The following DNAH3 variants were observed in gnomAD, a reference collection of about 807,000 sequenced individuals.
The protein encoded by DNAH3 is axonemal beta dynein heavy chain 3.
A neutral mutation model predicts 432.5 loss-of-function variants in DNAH3; 332 were observed. That is an observed-to-expected ratio of 0.77 (90% CI 0.70 to 0.84). The LOEUF (loss-of-function observed/expected upper bound fraction) is 0.84. DNAH3 is among the 40% of genes least tolerant of loss of function. The pLI is 0.00. For synonymous variants in DNAH3, 1,956 were observed against 1,900.2 expected (o/e 1.03, Z -0.76); for missense variants, 4,861 against 5,114.0 (o/e 0.95, Z 1.51).
chr16:20,937,329 A>T (rs2083629479), intron 59 of DNAH3, among the ~76,000 whole-genome samples: 1 of 151,510 alleles, frequency 6.6e-6, no homozygotes, highest in Non-Finnish European at 1.5e-5. Flanking sequence ...CTTTGTAACG[A>T]CTGCAAAATG....
intron 59 of DNAH3, among the ~76,000 whole-genome samples, chr16:20,937,855 C>T (rs1198131162): frequency 1.3e-5 from 2 of 151,964 alleles, no homozygotes; most frequent in Non-Finnish European, 2.9e-5. Context: ...ATAAGGTGCA[C>T]GCCTGAGAAA....
At chr16:21,052,104 GC>G (rs2089979045) in intron 28 of DNAH3, among the ~76,000 whole-genome samples, 1 of 152,114 alleles carries the variant, frequency 6.6e-6, no homozygotes. Context: ...CGATTCTCCT[GC>G]CTCAGCCTCC....
exon 53 of DNAH3, chr16:20,965,386 A>G (rs762938357): frequency 6.5e-7 from 1 of 1,533,590 alleles, no homozygotes; most frequent in South Asian, 1.3e-5. Flanking sequence ...ATCCCCAAGA[A>G]TCTTTTTGGA....
intron 1 of DNAH3, among the ~76,000 whole-genome samples, chr16:21,154,038 A>G (rs368710898): frequency 1.3e-5 from 2 of 152,250 alleles, no homozygotes; most frequent in East Asian, 3.8e-4. Context: ...TGGGAAGATT[A>G]TCAGGTCTCC....
At chr16:21,015,541 C>T (rs558797827) in intron 41 of DNAH3, among the ~76,000 whole-genome samples, 6 of 152,208 alleles carry the variant, frequency 3.9e-5, no homozygotes, top group South Asian at 4.1e-4. Context: ...TGAACCTTAA[C>T]ATACACTATG....
chr16:21,146,000 G>T, exon 2 of DNAH3: 1 of 1,612,262 alleles, frequency 6.2e-7, no homozygotes, highest in Non-Finnish European at 8.5e-7. Context: ...GAGTCCAGAC[G>T]GTTCCTCATT....
chr16:21,039,055 G>A (rs959406429), intron 33 of DNAH3, among the ~76,000 whole-genome samples: 4 of 152,102 alleles, frequency 2.6e-5, no homozygotes, highest in East Asian at 1.9e-4. Flanking sequence ...GTATACACAC[G>A]TACACACTTG....
chr16:20,966,473 G>C (rs988895610), intron 52 of DNAH3, among the ~76,000 whole-genome samples: 1 of 152,052 alleles, frequency 6.6e-6, no homozygotes, highest in Non-Finnish European at 1.5e-5. Flanking sequence ...CCCCCTCCCC[G>C]CTGCACCAGC....
chr16:21,072,534 CA>C (rs1448926389), intron 21 of DNAH3, among the ~76,000 whole-genome samples: 1 of 151,972 alleles, frequency 6.6e-6, no homozygotes, highest in Non-Finnish European at 1.5e-5. Context: ...ACCATGTTGG[CA>C]AGGTTAGTCT....
chr16:21,153,332 G>A (rs894224954), intron 1 of DNAH3, among the ~76,000 whole-genome samples: 4 of 152,108 alleles, frequency 2.6e-5, no homozygotes, highest in African/African-American at 7.3e-5. Flanking sequence ...TCCACACTCT[G>A]TATCTAGCTA....
At chr16:21,119,508 T>C (rs1432413179) in intron 11 of DNAH3, among the ~76,000 whole-genome samples, 1 of 152,014 alleles carries the variant, frequency 6.6e-6, no homozygotes, top group Admixed American at 6.6e-5. Flanking sequence ...TGCACACCTG[T>C]TATCCCAGCT....
chr16:21,146,307 C>T (rs895534932), intron 1 of DNAH3, among the ~76,000 whole-genome samples: 1 of 152,100 alleles, frequency 6.6e-6, no homozygotes, highest in Non-Finnish European at 1.5e-5. Context: ...GGTAATCCCA[C>T]CAGTTTGAGA....
rs533061577 is a variant in DNAH3 at position 21,153,746 on chromosome 16, C to T, written c.117+5579G>A. Reference sequence around the variant, plus strand: ...AAGGAACAAACTCCAGACGCGCTACCTTAAGAGCTGTAACACTCACCGCGA... The same window carrying T: ...AAGGAACAAACTCCAGACGCGCTACTTTAAGAGCTGTAACACTCACCGCGA... On this transcript the variant is annotated intron_variant, in intron 1 of 61. Transcript: ENST00000261383. 1.8e-3 allele frequency among the ~76,000 whole-genome samples: 280 copies of T among 152,222 alleles called. 1 individual carries two copies. The highest frequency in any genetic ancestry group is 6.4e-3 in the African/African-American group (264 of 41,548).
chr16:21,142,300 G>A (rs1567866029), intron 3 of DNAH3, among the ~76,000 whole-genome samples: 1 of 152,128 alleles, frequency 6.6e-6, no homozygotes, highest in Admixed American at 6.5e-5. Context: ...CCTGGGGACG[G>A]AGGTTGCAGT....
intron 9 of DNAH3, among the ~76,000 whole-genome samples, chr16:21,123,045 C>G (rs997689958): frequency 6.6e-6 from 1 of 152,114 alleles, no homozygotes; most frequent in Middle Eastern, 3.2e-3. Flanking sequence ...CTGATCACCT[C>G]TCTCCTCCAA....
chr16:21,062,564 T>C, exon 25 of DNAH3: 1 of 1,614,184 alleles, frequency 6.2e-7, no homozygotes, highest in Non-Finnish European at 8.5e-7. Flanking sequence ...TTCCAGATTG[T>C]CTGTAAACTC....
intron 16 of DNAH3, among the ~76,000 whole-genome samples, chr16:21,101,348 C>A (rs145405571): frequency 9.2e-5 from 14 of 152,266 alleles, no homozygotes; most frequent in African/African-American, 2.6e-4. Flanking sequence ...AAGTCAGTGA[C>A]TAGCTGTGTG....
chr16:21,096,120 C>G (rs116423113), intron 18 of DNAH3, among the ~76,000 whole-genome samples: 1,654 of 148,328 alleles, frequency 0.011, 30 homozygotes, highest in African/African-American at 0.037. Context: ...AAGGCTCAAA[C>G]CTAAGGGTCT....
intron 55 of DNAH3, 71 bp from the exon 56 acceptor site, chr16:20,952,620 G>T: frequency 1.0e-6 from 1 of 986,656 alleles, no homozygotes; most frequent in Non-Finnish European, 1.6e-6. Context: ...ACCAAGCCGA[G>T]GGAGTTAAGC....
Sources: gnomAD v4.1 joint callset for allele counts (sites outside exome capture counted in the v4.1 genomes callset) on GRCh38, gnomAD v4.1.1 for gene constraint, MANE v1.5 for transcripts, NCBI Gene and HGNC (gene_info 2026-07-23, HGNC 2026-07-21) for gene names.